The following CSMD1 variants were observed in gnomAD, a reference collection of about 807,000 sequenced individuals.
CSMD1 encodes the protein CUB and sushi domain-containing protein 1.
A neutral mutation model predicts 417.5 loss-of-function variants in CSMD1; 213 were observed. The ratio of observed to expected loss-of-function variants is 0.51; its 90% confidence interval spans 0.46 to 0.57. The LOEUF is 0.57. Among genes scored for constraint, CSMD1 ranks in the 20% least tolerant of loss-of-function variants. CSMD1 has a pLI of 0.00. For synonymous variants in CSMD1, 2,862 were observed against 1,736.8 expected, an observed-to-expected ratio of 1.65 and a Z score of -16.11; for missense variants, 6,923 against 4,529.7, an observed-to-expected ratio of 1.53 and a Z score of -15.17.
intron 1 of CSMD1, among the ~76,000 whole-genome samples, chr8:4,768,181 G>C (rs1374972054): frequency 6.6e-6 from 1 of 152,138 alleles, no homozygotes; most frequent in Non-Finnish European, 1.5e-5. Context: ...GACATTGATG[G>C]ATGACTTTGG....
At chr8:4,729,287 G>C (rs1445671744) in intron 1 of CSMD1, among the ~76,000 whole-genome samples, 2 of 152,174 alleles carry the variant, frequency 1.3e-5, no homozygotes, top group East Asian at 3.9e-4. Context: ...ATTATATTCG[G>C]AAATGCAGTC....
At chr8:3,734,867 G>A (rs1159814583) in intron 6 of CSMD1, among the ~76,000 whole-genome samples, 2 of 152,140 alleles carry the variant, frequency 1.3e-5, no homozygotes, top group African/African-American at 2.4e-5. Context: ...TGCCGCTGAT[G>A]CTACAATAGG....
intron 1 of CSMD1, among the ~76,000 whole-genome samples, chr8:4,795,528 C>G (rs920905844): frequency 1.3e-5 from 2 of 151,824 alleles, no homozygotes; most frequent in Non-Finnish European, 2.9e-5. Context: ...TTCCAAAGTT[C>G]TGGTATTGCA....
intron 5 of CSMD1, among the ~76,000 whole-genome samples, chr8:3,989,322 G>T (rs1276994638): frequency 6.6e-6 from 1 of 152,168 alleles, no homozygotes; most frequent in Non-Finnish European, 1.5e-5. Flanking sequence ...TCAAACCGAG[G>T]TCTGAATCAG....
At chr8:4,298,739 G>C (rs1000652649) in intron 3 of CSMD1, among the ~76,000 whole-genome samples, 1 of 151,940 alleles carries the variant, frequency 6.6e-6, no homozygotes, top group African/African-American at 2.4e-5. Context: ...TAGATGTTAA[G>C]AAATTAATGT....
chr8:4,663,296 T>C lies in CSMD1; in HGVS notation c.86-25738A>G, dbSNP rs137975277. On this transcript the variant is annotated intron_variant, in intron 1 of 69. Transcript: ENST00000635120. Reference sequence around the variant, plus strand: ...ACAAAGTTAGGGACCAGAGCAAACATTGGACAAAGCCCATCTTTTTAAAGG... The same window carrying C: ...ACAAAGTTAGGGACCAGAGCAAACACTGGACAAAGCCCATCTTTTTAAAGG... Among the ~76,000 whole-genome samples the C allele has an allele frequency of 2.8e-3, 425 of 152,304 alleles. 3 individuals are homozygous for C. Among genetic ancestry groups the C allele is most frequent in the African/African-American group, 9.5e-3 (394 of 41,560 alleles).
chr8:4,951,091 A>T (rs906540869), intron 1 of CSMD1, among the ~76,000 whole-genome samples: 53 of 152,290 alleles, frequency 3.5e-4, no homozygotes, highest in African/African-American at 1.3e-3. Context: ...TGAGATTTAG[A>T]CAATGTGAAA....
At chr8:4,044,575 C>T (rs950287125) in intron 3 of CSMD1, among the ~76,000 whole-genome samples, 4 of 152,176 alleles carry the variant, frequency 2.6e-5, no homozygotes, top group African/African-American at 9.7e-5. Context: ...AGCTCGGTCA[C>T]CGGAAGGATA....
At chr8:3,594,662 T>A (rs1801009750) in intron 8 of CSMD1, among the ~76,000 whole-genome samples, 1 of 152,148 alleles carries the variant, frequency 6.6e-6, no homozygotes, top group Non-Finnish European at 1.5e-5. Context: ...TCACCTCCCT[T>A]CTCTCACTTC....
chr8:3,034,801 G>C (rs1027868398), intron 50 of CSMD1, among the ~76,000 whole-genome samples: 7 of 152,162 alleles, frequency 4.6e-5, no homozygotes, highest in African/African-American at 1.7e-4. Flanking sequence ...AAACATTATA[G>C]ACTAGGGAAT....
chr8:4,487,262 G>A (rs1178684165), intron 2 of CSMD1, among the ~76,000 whole-genome samples: 2 of 151,908 alleles, frequency 1.3e-5, no homozygotes, highest in Admixed American at 6.6e-5. Context: ...ATGCCGGTGC[G>A]GTGCACCCAT....
At chr8:3,886,627 G>A (rs893098164) in intron 5 of CSMD1, among the ~76,000 whole-genome samples, 1 of 152,158 alleles carries the variant, frequency 6.6e-6, no homozygotes, top group Non-Finnish European at 1.5e-5. Context: ...ATAGGCTGCA[G>A]TTTGCTGAGT....
At position 3,744,936 on chromosome 8, in the gene CSMD1, T is replaced by C. The variant is rs557446003; in HGVS notation, c.931+8994A>G. Reference sequence around the variant, plus strand: ...TGGGCCTGAAGCAGACTGAGGTTTCTAAGGGCTTTAATGAGGACAGGGCTG... The same window carrying C: ...TGGGCCTGAAGCAGACTGAGGTTTCCAAGGGCTTTAATGAGGACAGGGCTG... On this transcript the variant is annotated intron_variant, in intron 6 of 69. Coordinates refer to ENST00000635120, the MANE Select transcript of CSMD1 (RefSeq NM_033225.6). 3.9e-5 allele frequency among the ~76,000 whole-genome samples: 6 copies of C among 152,328 alleles called. No homozygotes were observed. In the South Asian group the frequency reaches 1.2e-3, roughly 32 times the overall value.
At position 4,758,404 on chromosome 8, in the gene CSMD1, C is replaced by T. The variant is rs144449431; in HGVS notation, c.86-120846G>A. Among the ~76,000 whole-genome samples the T allele has an allele frequency of 4.3e-4, 66 of 152,176 alleles. 1 individual carries two copies. The highest frequency in any genetic ancestry group is 2.0e-3 in the Admixed American group (30 of 15,278). ...CCCAATCCTGGTAGAATGAGCAAGG[C>T]CATAGATTGTAGAACACAAAATGGC... is the stretch of plus-strand genomic sequence containing the variant. On this transcript the variant is annotated intron_variant, in intron 1 of 69. Transcript: ENST00000635120.
Position 2,962,627 on chromosome 8 carries a change from C to T in CSMD1, c.9467G>A (p.Gly3156Glu), listed in dbSNP as rs901371134. 2 of 1,613,600 alleles carry T rather than the reference C, an allele frequency of 1.2e-6. No homozygotes were observed. The highest frequency in any genetic ancestry group is 1.3e-5 in the African/African-American group (1 of 74,902). The change falls in exon 61 of 70, where the codon GGA becomes GAA. Residue 3156 changes from glycine (G) to glutamate (E), a missense_variant. By Grantham distance (98) the Gly-to-Glu change is moderately conservative (BLOSUM62 -2). Transcript: ENST00000635120. ...CCCTTCTGCGGGGATGCCAGGGTCT[C>T]CGCAGAACACAGCTATGGAAGATAA... ...EIPQCLPVFCGDPGIPAEGRL... is the reference protein window; with the variant it reads ...EIPQCLPVFCEDPGIPAEGRL...
intron 3 of CSMD1, among the ~76,000 whole-genome samples, chr8:4,249,866 G>C (rs182655679): frequency 3.9e-5 from 6 of 152,248 alleles, no homozygotes; most frequent in Admixed American, 2.0e-4. Flanking sequence ...CGGAATTCTT[G>C]AGTTGGCAAC....
At chr8:4,813,045 C>A (rs1393891045) in intron 1 of CSMD1, among the ~76,000 whole-genome samples, 1 of 152,108 alleles carries the variant, frequency 6.6e-6, no homozygotes, top group Non-Finnish European at 1.5e-5. Flanking sequence ...AAACACAAAC[C>A]CATTTTTAAG....
chr8:4,854,097 G>C (rs1217196201), intron 1 of CSMD1, among the ~76,000 whole-genome samples: 1 of 152,168 alleles, frequency 6.6e-6, no homozygotes, highest in Non-Finnish European at 1.5e-5. Flanking sequence ...CATTGGACAT[G>C]AGACATAGAA....
chr8:3,817,178 C>T (rs1240118369), intron 5 of CSMD1, among the ~76,000 whole-genome samples: 2 of 151,068 alleles, frequency 1.3e-5, no homozygotes, highest in Admixed American at 6.6e-5. Flanking sequence ...GACCCCTCCC[C>T]CTCCCCAATG....
Sources: allele counts gnomAD v4.1 joint callset (sites outside exome capture counted in the v4.1 genomes callset), GRCh38; gene constraint gnomAD v4.1.1; transcripts MANE v1.5; gene names NCBI Gene and HGNC (gene_info 2026-07-23, HGNC 2026-07-21).